RGS17: variants seen among roughly 807,000 people sequenced by gnomAD.
RGS17 encodes the protein regulator of G protein signaling 17, also known as regulator of G-protein signaling 17.
RGS17 carries 12 observed loss-of-function variants against 25.5 expected under a neutral mutation model. The observed-to-expected ratio is 0.47, with a 90% CI of 0.30 to 0.76. RGS17 has a LOEUF of 0.76. RGS17 is among the 30% of genes least tolerant of loss of function. The probability of loss-of-function intolerance (pLI) is 0.07; values close to 1 mark genes in which losing one functional copy is unlikely to be tolerated. For synonymous variants in RGS17, 71 were observed against 76.9 expected, an observed-to-expected ratio of 0.92 and a Z score of 0.40; for missense variants, 196 against 242.2, an observed-to-expected ratio of 0.81 and a Z score of 1.27.
rs527262305 is a variant in RGS17, at chr6:153,103,711, T to G, written c.-26+27413A>C. ...GTTAATGCTTTAAAAATGTATCTTA[T>G]CTTTTCTTTTCTTTTGGGTAAAATC... On this transcript the variant is annotated intron_variant, in intron 1 of 4. Transcript: ENST00000206262. 1.1e-4 allele frequency among the ~76,000 whole-genome samples: 16 copies of G among 152,346 alleles called. 1 individual carries two copies. The South Asian group carries it at 2.5e-3, about 24-fold the overall frequency.
At chr6:153,047,208 C>G (rs541610256) in intron 1 of RGS17, among the ~76,000 whole-genome samples, 2 of 152,174 alleles carry the variant, frequency 1.3e-5, no homozygotes, top group African/African-American at 4.8e-5. Flanking sequence ...CTACTTCAGT[C>G]AGAAGAAAAC....
intron 2 of RGS17, among the ~76,000 whole-genome samples, chr6:153,042,525 C>A (rs1461293001): frequency 6.6e-6 from 1 of 152,190 alleles, no homozygotes; most frequent in Non-Finnish European, 1.5e-5. Flanking sequence ...GATTGTGAGG[C>A]CTCCCCAGCC....
intron 2 of RGS17, among the ~76,000 whole-genome samples, chr6:153,037,014 T>C (rs1389195111): frequency 6.6e-6 from 1 of 152,216 alleles, no homozygotes; most frequent in Non-Finnish European, 1.5e-5. Flanking sequence ...AACTCCTTAA[T>C]AAGGTGGAAA....
At chr6:153,112,147 A>C (rs1226456311) in intron 1 of RGS17, among the ~76,000 whole-genome samples, 2 of 152,146 alleles carry the variant, frequency 1.3e-5, no homozygotes, top group African/African-American at 2.4e-5. Flanking sequence ...TCAGCTAAAG[A>C]AGCATGTTCT....
intron 1 of RGS17, among the ~76,000 whole-genome samples, chr6:153,116,769 T>C (rs1777552980): frequency 6.6e-6 from 1 of 152,160 alleles, no homozygotes; most frequent in Admixed American, 6.5e-5. Flanking sequence ...TTCATGTCCT[T>C]TGCAGGGACA....
At chr6:153,034,351 T>G (rs1776205883) in intron 2 of RGS17, among the ~76,000 whole-genome samples, 1 of 152,162 alleles carries the variant, frequency 6.6e-6, no homozygotes, top group South Asian at 2.1e-4. Flanking sequence ...CTGTGCCGAT[T>G]AATGTGAGGG....
At chr6:153,029,580 TTTTTCTTTTTC>T (rs1779340190) in intron 2 of RGS17, among the ~76,000 whole-genome samples, 2 of 151,608 alleles carry the variant, frequency 1.3e-5, no homozygotes, top group South Asian at 4.2e-4. Context: ...GACACTTTTT[TTTTTCTTTTTC>T]TTTTTCTTTT....
chr6:153,100,578 AG>A (rs1777286837), intron 1 of RGS17, among the ~76,000 whole-genome samples: 1 of 152,222 alleles, frequency 6.6e-6, no homozygotes, highest in African/African-American at 2.4e-5. Context: ...AAAAGGAAAT[AG>A]TTTAAATGCC....
chr6:153,026,582 T>G, intron 2 of RGS17, 39 bp from the exon 3 acceptor site: 1 of 1,478,750 alleles, frequency 6.8e-7, no homozygotes, highest in South Asian at 1.2e-5. Flanking sequence ...TCAAGGGAAA[T>G]TCAATCAGTT....
chr6:153,085,311 T>G (rs1292598182), intron 1 of RGS17, among the ~76,000 whole-genome samples: 2 of 152,192 alleles, frequency 1.3e-5, no homozygotes, highest in Non-Finnish European at 2.9e-5. Flanking sequence ...CTTCAGAGAT[T>G]ATCAGGTACC....
Position 153,104,968 on chromosome 6 carries a change from T to C in RGS17, c.-26+26156A>G, listed in dbSNP as rs111699548. The stretch of plus-strand genomic sequence containing the variant: ...GGAAGGAAAATGGCCTGGTTGTGAA[T>C]GTCCTGGCTCATTATTGCATGAACA... On this transcript the variant is annotated intron_variant, in intron 1 of 4. Transcript: ENST00000206262. 7.7e-3 allele frequency among the ~76,000 whole-genome samples: 1,175 copies of C among 152,252 alleles called. 12 individuals carry two copies. The highest frequency in any genetic ancestry group is 0.027 in the African/African-American group (1,117 of 41,546).
intron 1 of RGS17, among the ~76,000 whole-genome samples, chr6:153,059,201 C>T (rs569020678): frequency 3.9e-5 from 6 of 152,218 alleles, no homozygotes; most frequent in South Asian, 2.1e-4. Flanking sequence ...ATAGTTGCTC[C>T]GGTGCTTTCC....
intron 1 of RGS17, among the ~76,000 whole-genome samples, chr6:153,096,543 C>T (rs1777216200): frequency 6.6e-6 from 1 of 152,126 alleles, no homozygotes; most frequent in African/African-American, 2.4e-5. Context: ...GCTTCCTTTT[C>T]ACTTTTCTGT....
chr6:153,047,492 T>C (rs1328131366), intron 1 of RGS17, among the ~76,000 whole-genome samples: 3 of 152,184 alleles, frequency 2.0e-5, no homozygotes, highest in Non-Finnish European at 2.9e-5. Flanking sequence ...TACACTACAA[T>C]GGACAGAATT....
chr6:153,048,202 T>C (rs1776409211), intron 1 of RGS17, among the ~76,000 whole-genome samples: 6 of 152,196 alleles, frequency 3.9e-5, no homozygotes, highest in Admixed American at 3.9e-4. Flanking sequence ...CCCAAAAACA[T>C]GTTCTTCCCA....
Position 153,005,047 on chromosome 6 carries a change from G to A in RGS17, c.*6527C>T, listed in dbSNP as rs9384064. On this transcript the variant is annotated 3_prime_UTR_variant, in exon 5 of 5. Transcript: ENST00000206262. Reference sequence around the variant, plus strand: ...CATTTAAAAATCATATACAAGAAAGGTGTTTATGACAAATCGGTTAAAGCT... The same window carrying A: ...CATTTAAAAATCATATACAAGAAAGATGTTTATGACAAATCGGTTAAAGCT... The A allele has an allele frequency of 1.3e-5, 2 of 152,032 alleles. No homozygotes were observed. The highest frequency in any genetic ancestry group is 4.8e-5 in the African/African-American group (2 of 41,418). 9.4% of individuals were successfully genotyped at this position (152,032 alleles called of 1,614,324 possible). A position where few individuals can be genotyped will look rare whatever the true frequency, so the allele number is the denominator to read the frequency against.
intron 2 of RGS17, among the ~76,000 whole-genome samples, chr6:153,039,761 T>C (rs963920502): frequency 2.6e-5 from 4 of 152,194 alleles, no homozygotes; most frequent in African/African-American, 9.7e-5. Flanking sequence ...TTGATGCCCC[T>C]CCTTTTTGTA....
chr6:153,068,458 A>AT (rs1195379710), intron 1 of RGS17, among the ~76,000 whole-genome samples: 1 of 152,160 alleles, frequency 6.6e-6, no homozygotes, highest in Non-Finnish European at 1.5e-5. Flanking sequence ...AACAAACAAA[A>AT]TGAATTAAAG....
At chr6:153,089,730 TTAAC>T (rs952655708) in intron 1 of RGS17, among the ~76,000 whole-genome samples, 90 of 152,276 alleles carry the variant, frequency 5.9e-4, no homozygotes, top group African/African-American at 2.0e-3. Context: ...TGGTAATAGT[TTAAC>T]TGACTGTAGA....
Sources: allele counts gnomAD v4.1 joint callset (sites outside exome capture counted in the v4.1 genomes callset), GRCh38; gene constraint gnomAD v4.1.1; transcripts MANE v1.5; gene names NCBI Gene and HGNC (gene_info 2026-07-23, HGNC 2026-07-21).